Variants in VWDE observed in about 807,000 individuals in gnomAD.
VWDE encodes the protein von Willebrand factor D and EGF domain-containing protein.
Under a neutral mutation model 178.4 loss-of-function variants are expected in VWDE, and 207 were observed. That is an observed-to-expected ratio of 1.16 (90% confidence interval 1.04 to 1.30). The LOEUF is 1.30. Among genes scored for constraint, VWDE ranks in the 50% most tolerant of loss-of-function variants. VWDE has a pLI of 0.00. For missense variants in VWDE, 2,287 were observed against 1,901.3 expected (o/e 1.20, Z -3.77); for synonymous variants, 738 against 651.4 (o/e 1.13, Z -2.02).
intron 17 of VWDE, among the ~76,000 whole-genome samples, chr7:12,356,919 G>C (rs1782279731): frequency 6.6e-6 from 1 of 152,104 alleles, no homozygotes; most frequent in African/African-American, 2.4e-5. Flanking sequence ...CAACATCTCA[G>C]GTCCTTTCAC....
At chr7:12,333,276 C>G (rs1379715590) in intron 28 of VWDE, among the ~76,000 whole-genome samples, 189 bp downstream of exon 28, 2 of 151,984 alleles carry the variant, frequency 1.3e-5, no homozygotes, top group Non-Finnish European at 2.9e-5. Context: ...TCCTTAAATA[C>G]ACATCAAAAT....
chr7:12,340,223 C>T (rs1781250549), intron 24 of VWDE, 99 bp downstream of exon 24: 2 of 888,730 alleles, frequency 2.3e-6, no homozygotes, highest in Middle Eastern at 2.3e-4. Context: ...GGGAAAAAAT[C>T]GCATCTTTCC....
chr7:12,360,387 T>C (rs1782508825), intron 15 of VWDE, among the ~76,000 whole-genome samples: 1 of 152,118 alleles, frequency 6.6e-6, no homozygotes, highest in Non-Finnish European at 1.5e-5. Context: ...ATAATATTTT[T>C]AAAGTACTTA....
intron 17 of VWDE, among the ~76,000 whole-genome samples, chr7:12,356,902 T>C (rs1269432566): frequency 2.0e-5 from 3 of 152,226 alleles, no homozygotes; most frequent in Non-Finnish European, 4.4e-5. Flanking sequence ...AATCTTGATT[T>C]CTAATTCAAC....
chr7:12,372,210 C>G lies in VWDE; in HGVS notation c.1587+767G>C, dbSNP rs1783246929. ...TTATTTGCTCATTTTAATCGGAGTG[C>G]TGATTATACATTAGTGATGCATGAG... On this transcript the variant is annotated intron_variant, in intron 10 of 28. Transcript: ENST00000275358. Among the ~76,000 whole-genome samples the G allele has an allele frequency of 2.0e-5, 3 of 152,024 alleles. No homozygotes were observed. The South Asian group carries it at 6.2e-4, about 32-fold the overall frequency.
intron 13 of VWDE, among the ~76,000 whole-genome samples, chr7:12,365,956 G>A (rs1478592651): frequency 6.6e-6 from 1 of 151,946 alleles, no homozygotes; most frequent in African/African-American, 2.4e-5. Context: ...GGACATAGTG[G>A]GAGTTGACTG....
intron 10 of VWDE, among the ~76,000 whole-genome samples, chr7:12,372,419 T>G (rs1353984522): frequency 6.6e-6 from 1 of 152,038 alleles, no homozygotes; most frequent in African/African-American, 2.4e-5. Flanking sequence ...AAATTTGATT[T>G]ACTTGGAATT....
chr7:12,357,148 A>C, intron 17 of VWDE, 117 bp downstream of exon 17: 1 of 1,310,408 alleles, frequency 7.6e-7, no homozygotes, highest in South Asian at 1.6e-5. Context: ...TTTCCATACA[A>C]TGTTTAATAA....
intron 2 of VWDE, among the ~76,000 whole-genome samples, chr7:12,391,306 A>T (rs567189755): frequency 6.6e-6 from 1 of 152,204 alleles, no homozygotes; most frequent in African/African-American, 2.4e-5. Flanking sequence ...AATTTATGTA[A>T]GTCCACGTGT....
intron 13 of VWDE, among the ~76,000 whole-genome samples, chr7:12,363,297 G>C (rs1474742924): frequency 6.6e-6 from 1 of 151,876 alleles, no homozygotes; most frequent in African/African-American, 2.4e-5. Context: ...CATGAATGGA[G>C]GGAATAGTGT....
chr7:12,356,536 T>C (rs977036383), intron 17 of VWDE, among the ~76,000 whole-genome samples: 1 of 152,006 alleles, frequency 6.6e-6, no homozygotes, highest in African/African-American at 2.4e-5. Context: ...CCCAGGTGCA[T>C]AACCACAATA....
intron 19 of VWDE, among the ~76,000 whole-genome samples, chr7:12,348,620 T>C (rs1289047691): frequency 6.8e-6 from 1 of 146,944 alleles, no homozygotes; most frequent in Non-Finnish European, 1.5e-5. Context: ...ACTTTTATAT[T>C]GTTGGTGGGA....
intron 23 of VWDE, among the ~76,000 whole-genome samples, chr7:12,341,107 A>C (rs184593539): frequency 1.2e-4 from 19 of 152,290 alleles, no homozygotes; most frequent in Middle Eastern, 3.4e-3. Context: ...TACTTATCAT[A>C]ACTCAACTTG....
At position 12,377,858 on chromosome 7, in the gene VWDE, G is replaced by A. The variant is rs531120495; in HGVS notation, c.942C>T (p.Ser314=). The A allele has an allele frequency of 4.8e-5, 73 of 1,528,000 alleles. 2 individuals are homozygous for A. The South Asian group carries it at 8.4e-4, about 18-fold the overall frequency. The allele number at this position is 1,528,000 out of a possible 1,614,324, so 94.7% of individuals were successfully genotyped here. Reference sequence around the variant, plus strand: ...ATTCAGAACAAATAATAGGAACTGTGCTTTCTATCCTCAGGTAGTATTCTT... The same window carrying A: ...ATTCAGAACAAATAATAGGAACTGTACTTTCTATCCTCAGGTAGTATTCTT... ...DGKEYYLRIE[S]TVPIICSEFS... is the part of the protein sequence containing the mutation. The change falls in exon 7 of 29, where the codon AGC becomes AGT. Residue 314 remains serine (S), a synonymous_variant. Coordinates refer to ENST00000275358, the MANE Select transcript of VWDE (RefSeq NM_001135924.3).
chr7:12,336,738 A>AT (rs1781054674), intron 26 of VWDE, among the ~76,000 whole-genome samples: 2 of 152,096 alleles, frequency 1.3e-5, no homozygotes, highest in African/African-American at 2.4e-5. Flanking sequence ...AGGACTTGTT[A>AT]TTTTTTCTGG....
intron 22 of VWDE, 37 bp downstream of exon 22, chr7:12,343,046 G>T: frequency 6.8e-7 from 1 of 1,469,864 alleles, no homozygotes; most frequent in Non-Finnish European, 9.3e-7. Flanking sequence ...CAAAGAAGCA[G>T]TTTCATTATA....
At position 12,384,242 on chromosome 7, in the gene VWDE, C is replaced by T. The variant is rs75504661; in HGVS notation, c.476-641G>A. ...TAAATGAGTATTAAGTGAAAGAAGC[C>T]AATCTGAAAAGGCTACCTACTAAGT... On this transcript the variant is annotated intron_variant, in intron 3 of 28. Coordinates refer to ENST00000275358, the MANE Select transcript of VWDE (RefSeq NM_001135924.3). Among the ~76,000 whole-genome samples, 1,380 of 152,086 alleles carry T rather than the reference C, an allele frequency of 9.1e-3. 25 individuals are homozygous for T. The highest frequency in any genetic ancestry group is 0.032 in the African/African-American group (1,334 of 41,496).
rs1034078955 is a variant in VWDE, at chr7:12,370,379, G to A, written c.1927C>T (p.Arg643Ter). 1.8e-5 allele frequency: 28 copies of A among 1,550,412 alleles called. No individual in the cohort carries two copies. The highest frequency in any genetic ancestry group is 1.6e-4 in the Admixed American group (8 of 50,946). Residue 643 changes from arginine to a stop codon, truncating the protein, a stop_gained, in exon 12 of 29, where the codon CGA becomes TGA. Transcript: ENST00000275358. LOFTEE classifies it high-confidence loss of function. ...TTGCAACCCAAGGCAATTTCTGATCGAGAAACACTGTCCAGATCTTCGGAA... is the reference window on the plus strand; with the variant it reads ...TTGCAACCCAAGGCAATTTCTGATCAAGAAACACTGTCCAGATCTTCGGAA... The part of the protein sequence containing the change: ...PSSEDLDSVS[R>*]SEIALGCKDL...
At position 12,356,095 on chromosome 7, in the gene VWDE, A is replaced by G. The variant is rs1410902148; in HGVS notation, c.3745+16T>C. On this transcript the variant is annotated intron_variant, in intron 18 of 28. Coordinates refer to ENST00000275358, the MANE Select transcript of VWDE (RefSeq NM_001135924.3). ...GAGCTTTTCTTTCTAATTTGTTATG[A>G]GGAGCAAAATCTTACCTTTGAGCTC... The G allele has an allele frequency of 1.3e-6, 2 of 1,546,594 alleles. No homozygotes were observed.
Sources: gnomAD v4.1 joint callset for allele counts (sites outside exome capture counted in the v4.1 genomes callset) on GRCh38, gnomAD v4.1.1 for gene constraint, MANE v1.5 for transcripts, NCBI Gene and HGNC (gene_info 2026-07-23, HGNC 2026-07-21) for gene names.